Variants in ENTREP2 observed in about 807,000 individuals in gnomAD.
ENTREP2 encodes endosomal transmembrane epsin interactor 2.
chr15:29,541,071 C>T, the ENTREP2 span, among the ~76,000 whole-genome samples: 3 of 152,166 alleles, frequency 2.0e-5, no homozygotes, highest in Admixed American at 6.5e-5. Flanking sequence ...CGCTATGGCT[C>T]GGGGCCTGGG....
chr15:29,291,934 A>T, the ENTREP2 span, among the ~76,000 whole-genome samples: 40 of 152,160 alleles, frequency 2.6e-4, no homozygotes, highest in Non-Finnish European at 3.7e-4. Flanking sequence ...TATTATTACC[A>T]TTTTAAATCA....
the ENTREP2 span, among the ~76,000 whole-genome samples, chr15:29,441,989 T>C: frequency 1.6e-3 from 245 of 152,274 alleles, 2 homozygotes; most frequent in Middle Eastern, 6.8e-3. Context: ...GGACAGCCAA[T>C]ACCAACCCAG....
the ENTREP2 span, among the ~76,000 whole-genome samples, chr15:29,245,640 A>G: frequency 6.6e-6 from 1 of 151,242 alleles, no homozygotes; most frequent in Admixed American, 6.6e-5. Flanking sequence ...TATGTAAATT[A>G]TAAAAACAAC....
the ENTREP2 span, among the ~76,000 whole-genome samples, chr15:29,175,753 C>T: frequency 1.6e-4 from 25 of 152,340 alleles, no homozygotes; most frequent in Non-Finnish European, 3.4e-4. Context: ...TACAGGTGCC[C>T]GCCACCATGC....
At chr15:29,514,106 T>C in the ENTREP2 span, among the ~76,000 whole-genome samples, 4 of 152,204 alleles carry the variant, frequency 2.6e-5, no homozygotes, top group African/African-American at 9.7e-5. Context: ...AGATTTACCA[T>C]CTTAGCCATT....
chr15:29,620,866 C>T, the ENTREP2 span, among the ~76,000 whole-genome samples: 32 of 152,044 alleles, frequency 2.1e-4, 1 homozygote, highest in African/African-American at 6.5e-4. Context: ...ACAAATCCCT[C>T]TCATTTGATC....
chr15:29,621,915 G>A, the ENTREP2 span, among the ~76,000 whole-genome samples: 24 of 152,254 alleles, frequency 1.6e-4, no homozygotes, highest in East Asian at 4.6e-3. Flanking sequence ...TTCATACAAT[G>A]GAATAGTATT....
chr15:29,588,833 A>G, the ENTREP2 span, among the ~76,000 whole-genome samples: 1 of 151,754 alleles, frequency 6.6e-6, no homozygotes, highest in African/African-American at 2.4e-5. Flanking sequence ...CAAAAAATAC[A>G]AAAAAATTAG....
chr15:29,124,727 C>T, the ENTREP2 span: 1 of 1,550,634 alleles, frequency 6.4e-7, no homozygotes, highest in South Asian at 1.2e-5. Context: ...CTTCCAGGTC[C>T]TGGCTACACG....
chr15:29,570,212 C>T, the ENTREP2 span, among the ~76,000 whole-genome samples: 6 of 151,842 alleles, frequency 4.0e-5, no homozygotes, highest in African/African-American at 1.2e-4. Context: ...GCGCTCCCTC[C>T]GGCCGCTGCG....
chr15:29,631,091 T>C, the ENTREP2 span, among the ~76,000 whole-genome samples: 2 of 152,252 alleles, frequency 1.3e-5, no homozygotes, highest in African/African-American at 2.4e-5. Flanking sequence ...TCCTGTATTT[T>C]TAGTTCTATG....
At chr15:29,599,089 A>T in the ENTREP2 span, among the ~76,000 whole-genome samples, 1 of 152,220 alleles carries the variant, frequency 6.6e-6, no homozygotes, top group Non-Finnish European at 1.5e-5. Flanking sequence ...GTTGATAGCA[A>T]GTCCATCATT....
At chr15:29,134,265 T>C in the ENTREP2 span, among the ~76,000 whole-genome samples, 7 of 152,362 alleles carry the variant, frequency 4.6e-5, no homozygotes, top group African/African-American at 1.4e-4. Flanking sequence ...TTACTGCCAG[T>C]TCAGGAATGG....
At chr15:29,462,631 T>C in the ENTREP2 span, among the ~76,000 whole-genome samples, 2 of 151,918 alleles carry the variant, frequency 1.3e-5, no homozygotes, top group Admixed American at 6.6e-5. Context: ...ATAATAATAA[T>C]AATACAATTA....
the ENTREP2 span, among the ~76,000 whole-genome samples, chr15:29,599,125 C>A: frequency 6.6e-6 from 1 of 152,204 alleles, no homozygotes; most frequent in South Asian, 2.1e-4. Context: ...AAACCATATT[C>A]TCAGCTCTAC....
chr15:29,307,398 C>A, the ENTREP2 span, among the ~76,000 whole-genome samples: 5 of 152,262 alleles, frequency 3.3e-5, no homozygotes, highest in African/African-American at 1.2e-4. Flanking sequence ...AGATGAAGAA[C>A]TTGCTAGTGG....
the ENTREP2 span, among the ~76,000 whole-genome samples, chr15:29,140,924 C>G: frequency 6.6e-6 from 1 of 152,236 alleles, no homozygotes; most frequent in Non-Finnish European, 1.5e-5. Context: ...AGCTGGGGCT[C>G]ATGCACCCGA....
the ENTREP2 span, among the ~76,000 whole-genome samples, chr15:29,276,415 C>G: frequency 6.6e-6 from 1 of 152,212 alleles, no homozygotes; most frequent in African/African-American, 2.4e-5. Flanking sequence ...CCTTTAGAAA[C>G]AGCCTCTTCC....
At chr15:29,670,059 G>C in the ENTREP2 span, among the ~76,000 whole-genome samples, 2 of 152,186 alleles carry the variant, frequency 1.3e-5, no homozygotes, top group African/African-American at 4.8e-5. Context: ...TGTCAAGCAA[G>C]TTTATCGCAT....
Sources: allele counts gnomAD v4.1 joint callset (sites outside exome capture counted in the v4.1 genomes callset), GRCh38; gene constraint gnomAD v4.1.1; transcripts MANE v1.5; gene names NCBI Gene and HGNC (gene_info 2026-07-23, HGNC 2026-07-21).